The following RALYL variants were observed in gnomAD, a reference collection of about 807,000 sequenced individuals.
The protein encoded by RALYL is RNA-binding Raly-like protein.
Under a neutral mutation model 35.1 loss-of-function variants are expected in RALYL, and 29 were observed. The observed-to-expected ratio is 0.83, with a 90% CI of 0.61 to 1.13. The LOEUF (loss-of-function observed/expected upper bound fraction) is 1.13. RALYL is among the 50% of genes most tolerant of loss of function. The probability of loss-of-function intolerance (pLI) is 0.00; values close to 1 mark genes in which losing one functional copy is unlikely to be tolerated. For missense variants in RALYL, 359 were observed against 360.4 expected (o/e 1.00, Z 0.03); for synonymous variants, 120 against 127.6 (o/e 0.94, Z 0.40).
At chr8:84,540,313 T>TTGTG (rs138650642) in intron 2 of RALYL, among the ~76,000 whole-genome samples, 8,476 of 144,940 alleles carry the variant, frequency 0.058, 271 homozygotes, top group East Asian at 0.14. Flanking sequence ...ATCATAGGAT[T>TTGTG]TGTGTGTGTG....
intron 1 of RALYL, among the ~76,000 whole-genome samples, chr8:84,306,020 C>A (rs1157692189): frequency 1.3e-5 from 2 of 151,956 alleles, no homozygotes; most frequent in East Asian, 3.9e-4. Flanking sequence ...AAAAATTAGC[C>A]AGGCATGGTG....
At chr8:84,588,663 C>T (rs1812535273) in intron 2 of RALYL, among the ~76,000 whole-genome samples, 2 of 152,122 alleles carry the variant, frequency 1.3e-5, no homozygotes. Flanking sequence ...TCTTCCACTG[C>T]ATTGACCCTG....
At chr8:84,694,418 T>C (rs1442697338) in intron 2 of RALYL, among the ~76,000 whole-genome samples, 1 of 151,950 alleles carries the variant, frequency 6.6e-6, no homozygotes, top group Non-Finnish European at 1.5e-5. Context: ...GTGAAACACC[T>C]GTATAATGAG....
intron 2 of RALYL, among the ~76,000 whole-genome samples, chr8:84,727,554 G>T (rs1845213101): frequency 6.6e-6 from 1 of 151,476 alleles, no homozygotes; most frequent in African/African-American, 2.4e-5. Context: ...CATGTGACAT[G>T]CTGGTGCGCT....
chr8:84,613,431 C>T (rs1425814597), intron 2 of RALYL, among the ~76,000 whole-genome samples: 1 of 151,324 alleles, frequency 6.6e-6, no homozygotes, highest in Non-Finnish European at 1.5e-5. Context: ...TAATGATAAC[C>T]ATAGAATCCA....
Position 84,350,545 on chromosome 8 carries a change from T to C in RALYL, c.-24+166121T>C, listed in dbSNP as rs373359927. On this transcript the variant is annotated intron_variant, in intron 1 of 8. Transcript: ENST00000521268. The stretch of plus-strand genomic sequence containing the variant: ...TGAAATAAATAAGTCTGTAAGAAAA[T>C]AAGCAACTAAGTAAATTAGTAAGTA... Among the ~76,000 whole-genome samples the C allele has an allele frequency of 1.8e-3, 273 of 150,126 alleles. 14 individuals carry two copies. Among genetic ancestry groups the C allele is most frequent in the South Asian group, 5.6e-3 (27 of 4,798 alleles).
chr8:84,200,234 C>T (rs143505771), intron 1 of RALYL, among the ~76,000 whole-genome samples: 142 of 152,040 alleles, frequency 9.3e-4, no homozygotes, highest in African/African-American at 2.9e-3. Flanking sequence ...TAAGAATTTT[C>T]GAAATACAGT....
At chr8:84,515,358 T>C (rs1313705663) in intron 1 of RALYL, among the ~76,000 whole-genome samples, 1 of 152,186 alleles carries the variant, frequency 6.6e-6, no homozygotes, top group East Asian at 1.9e-4. Flanking sequence ...AGCATGTTTT[T>C]GCGTGGAGGA....
Position 84,850,039 on chromosome 8 carries a change from T to G in RALYL, c.413+12T>G. 2 of 1,433,592 alleles carry G rather than the reference T, an allele frequency of 1.4e-6. No individual in the cohort carries two copies. The highest frequency in any genetic ancestry group is 1.9e-6 in the Non-Finnish European group (2 of 1,070,836). The allele number at this position is 1,433,592 out of a possible 1,614,324, so 88.8% of individuals were successfully genotyped here. A position where few individuals can be genotyped will look rare whatever the true frequency, so the allele number is the denominator to read the frequency against. On this transcript the variant is annotated intron_variant, in intron 5 of 8. Coordinates refer to ENST00000521268, the MANE Select transcript of RALYL (RefSeq NM_173848.7). ...GATTTCTACAATCGGTATGTGAATT[T>G]TTCATCCTTGTTTTCCTATGACTTA...
At chr8:84,484,015 C>T (rs921145397) in intron 1 of RALYL, among the ~76,000 whole-genome samples, 32 of 152,008 alleles carry the variant, frequency 2.1e-4, no homozygotes, top group Admixed American at 1.6e-3. Context: ...AAAATCGGCA[C>T]ATGTTTAATG....
chr8:84,738,654 T>G (rs918311577), intron 2 of RALYL, among the ~76,000 whole-genome samples: 1 of 152,044 alleles, frequency 6.6e-6, no homozygotes, highest in Admixed American at 6.6e-5. Context: ...AACATGAGCA[T>G]CATAGATAAC....
intron 2 of RALYL, among the ~76,000 whole-genome samples, chr8:84,542,746 C>T (rs536557198): frequency 3.3e-5 from 5 of 152,258 alleles, no homozygotes; most frequent in Non-Finnish European, 7.4e-5. Flanking sequence ...TTCATAGCAG[C>T]ATGAGAATGG....
intron 1 of RALYL, among the ~76,000 whole-genome samples, chr8:84,226,768 A>C (rs112086017): frequency 2.5e-4 from 38 of 152,322 alleles, no homozygotes; most frequent in African/African-American, 7.2e-4. Context: ...TAATTTCTCT[A>C]TACGGTGTTT....
chr8:84,864,768 GC>G, intron 6 of RALYL: 6 of 605,864 alleles, frequency 9.9e-6, no homozygotes, highest in East Asian at 4.0e-5. Context: ...GAAAACAGGG[GC>G]CCCTGGGCCT....
intron 2 of RALYL, among the ~76,000 whole-genome samples, chr8:84,637,566 C>T (rs1246280704): frequency 6.6e-6 from 1 of 151,834 alleles, no homozygotes; most frequent in Non-Finnish European, 1.5e-5. Context: ...GCCAGATTTA[C>T]ATCTAAAGTA....
chr8:84,436,958 G>A (rs1345200223), intron 1 of RALYL, among the ~76,000 whole-genome samples: 1 of 152,002 alleles, frequency 6.6e-6, no homozygotes, highest in African/African-American at 2.4e-5. Flanking sequence ...TGGGGTTGCT[G>A]CGATTGAACC....
chr8:84,524,804 T>C (rs531972205), intron 1 of RALYL, among the ~76,000 whole-genome samples: 1 of 152,190 alleles, frequency 6.6e-6, no homozygotes, highest in South Asian at 2.1e-4. Flanking sequence ...GAACCCTTAA[T>C]CTTTTAAATT....
intron 2 of RALYL, among the ~76,000 whole-genome samples, chr8:84,735,039 A>T (rs1395367844): frequency 1.6e-5 from 2 of 125,102 alleles, no homozygotes; most frequent in African/African-American, 5.8e-5. Context: ...GTGTGTGTGT[A>T]TTCCATTTAC....
intron 1 of RALYL, among the ~76,000 whole-genome samples, chr8:84,373,560 C>T (rs60223619): frequency 0.03 from 4,503 of 152,010 alleles, 215 homozygotes; most frequent in African/African-American, 0.1. Context: ...GGTCTCTATT[C>T]TGTTCCATTG....
Sources: gnomAD v4.1 joint callset for allele counts (sites outside exome capture counted in the v4.1 genomes callset) on GRCh38, gnomAD v4.1.1 for gene constraint, MANE v1.5 for transcripts, NCBI Gene and HGNC (gene_info 2026-07-23, HGNC 2026-07-21) for gene names.